DZIP1: variants seen among roughly 807,000 people sequenced by gnomAD.
DZIP1 encodes the protein DAZ interacting zinc finger protein 1.
Under a neutral mutation model 107.6 loss-of-function variants are expected in DZIP1, and 97 were observed. That is an observed-to-expected ratio of 0.90 (90% CI 0.77 to 1.07). The LOEUF (loss-of-function observed/expected upper bound fraction) is 1.07. Among genes scored for constraint, DZIP1 ranks in the 50% least tolerant of loss-of-function variants. The pLI, the probability that DZIP1 is intolerant of heterozygous loss-of-function variation, is 0.00. For missense variants in DZIP1, 1,035 were observed against 1,063.6 expected (o/e 0.97, Z 0.37); for synonymous variants, 390 against 386.4 (o/e 1.01, Z -0.11).
At chr13:95,622,316 C>A (rs756689604) in intron 9 of DZIP1, 27 bp downstream of exon 9, 2 of 1,613,972 alleles carry the variant, frequency 1.2e-6, no homozygotes, top group Middle Eastern at 1.7e-4. Flanking sequence ...AAGGCATCCA[C>A]TGCAGCTGTC....
At chr13:95,638,382 G>A (rs183491935) in intron 5 of DZIP1, among the ~76,000 whole-genome samples, 80 of 151,978 alleles carry the variant, frequency 5.3e-4, no homozygotes, top group Admixed American at 3.8e-3. Context: ...GAGCCACTGC[G>A]CCCAGCCTAA....
chr13:95,629,735 A>C lies in DZIP1; in HGVS notation c.810+254T>G, dbSNP rs922768795. On this transcript the variant is annotated intron_variant, in intron 7 of 22. Transcript: ENST00000376829. Reference sequence around the variant, plus strand: ...GAAGTGTCAGACTTCTGTTCTAAGCAAAATTTTAGAAAGTTAATTGTGTGT... The same window carrying C: ...GAAGTGTCAGACTTCTGTTCTAAGCCAAATTTTAGAAAGTTAATTGTGTGT... Among the ~76,000 whole-genome samples, 57 of 152,210 alleles carry C rather than the reference A, an allele frequency of 3.7e-4. 2 individuals are homozygous for C. The highest frequency in any genetic ancestry group is 1.5e-5 in the Non-Finnish European group (1 of 68,018).
intron 15 of DZIP1, 79 bp downstream of exon 15, chr13:95,599,286 C>G: frequency 7.8e-7 from 1 of 1,279,742 alleles, no homozygotes; most frequent in South Asian, 1.3e-5. Flanking sequence ...ATAAAAACCA[C>G]TGGCTCATAT....
chr13:95,618,212 C>T (rs1875385731), intron 10 of DZIP1, among the ~76,000 whole-genome samples: 1 of 152,204 alleles, frequency 6.6e-6, no homozygotes, highest in Admixed American at 6.5e-5. Flanking sequence ...AGCCTCACTC[C>T]TACTCCCTTC....
In DZIP1 at chr13:95,584,808, T is replaced by C. The variant is rs1566356447; in HGVS notation, c.2452A>G (p.Lys818Glu). ...GKEQKEPPPA[K>E]NEPHFAHVLN... ...ACATGAGCAAAATGTGGTTCATTTT[T>C]CGCAGGTGGAGGTTCCTTCTGTTCT... The change falls in exon 22 of 23, where the codon AAA (lysine) becomes GAA (glutamate). Residue 818 changes from lysine (K) to glutamate (E), a missense_variant. Transcript: ENST00000376829. 1 of 1,614,182 alleles carries C rather than the reference T, an allele frequency of 6.2e-7. No homozygotes were observed. Among genetic ancestry groups the C allele is most frequent in the Non-Finnish European group, 8.5e-7 (1 of 1,180,024 alleles).
chr13:95,609,860 A>T (rs72636507), intron 12 of DZIP1, among the ~76,000 whole-genome samples: 4,004 of 152,218 alleles, frequency 0.026, 87 homozygotes, highest in Non-Finnish European at 0.041. Context: ...ACACCCCAGT[A>T]CCACCCCTAG....
At chr13:95,600,641 C>CAGAT (rs1428049476) in intron 14 of DZIP1, among the ~76,000 whole-genome samples, 1 of 150,664 alleles carries the variant, frequency 6.6e-6, no homozygotes, top group African/African-American at 2.4e-5. Context: ...GACAGACAGA[C>CAGAT]AGACAGACAG....
At chr13:95,594,128 C>CA (rs2044381853) in intron 15 of DZIP1, 42 bp from the exon 16 acceptor site, 1 of 1,485,538 alleles carries the variant, frequency 6.7e-7, no homozygotes, top group African/African-American at 1.4e-5. Flanking sequence ...AAGAATTAAG[C>CA]AAATACATCA....
chr13:95,605,649 C>CAT (rs748621663), intron 14 of DZIP1, among the ~76,000 whole-genome samples: 4 of 152,226 alleles, frequency 2.6e-5, no homozygotes, highest in Admixed American at 6.5e-5. Context: ...CGCCCTGTGG[C>CAT]ATGTGCTGGT....
At chr13:95,611,041 G>A (rs2044987299) in intron 12 of DZIP1, among the ~76,000 whole-genome samples, 1 of 152,196 alleles carries the variant, frequency 6.6e-6, no homozygotes, top group East Asian at 1.9e-4. Context: ...CTGCTATAAA[G>A]CTGAGGAAAC....
intron 15 of DZIP1, among the ~76,000 whole-genome samples, chr13:95,594,790 TA>T (rs1450031288): frequency 6.6e-6 from 1 of 152,080 alleles, no homozygotes; most frequent in African/African-American, 2.4e-5. Flanking sequence ...GTATTTTGTT[TA>T]AAACAACCTA....
chr13:95,604,580 A>T (rs1184376361), intron 14 of DZIP1, among the ~76,000 whole-genome samples: 1 of 152,198 alleles, frequency 6.6e-6, no homozygotes, highest in Non-Finnish European at 1.5e-5. Context: ...GTCCCCATGA[A>T]CACATGCTTT....
chr13:95,642,023 C>T lies in DZIP1; in HGVS notation c.7G>A (p.Ala3Thr). The change falls in exon 4 of 23, where the codon GCT (alanine) becomes ACT (threonine). Residue 3 changes from alanine to threonine, a missense_variant. Transcript: ENST00000376829. Reference protein sequence around the residue: MQAEAADWFSSMP... With the variant: MQTEAADWFSSMP... ...CTTGAAAACCAATCCGCTGCCTCAG[C>T]TTGCATAGGAGGAGCCGGGCGGTCT... is the stretch of plus-strand genomic sequence containing the variant. The T allele has an allele frequency of 1.3e-6, 2 of 1,575,940 alleles. No homozygotes were observed. Among genetic ancestry groups the T allele is most frequent in the Non-Finnish European group, 1.7e-6 (2 of 1,166,360 alleles).
intron 3 of DZIP1, among the ~76,000 whole-genome samples, chr13:95,642,689 A>G (rs1878678932): frequency 6.6e-6 from 1 of 152,234 alleles, no homozygotes; most frequent in African/African-American, 2.4e-5. Flanking sequence ...ACCCAGCAAT[A>G]TACACTTGGC....
At chr13:95,607,783 C>T (rs545229297) in intron 13 of DZIP1, among the ~76,000 whole-genome samples, 5 of 152,308 alleles carry the variant, frequency 3.3e-5, no homozygotes, top group East Asian at 1.9e-4. Flanking sequence ...GGTCTTTTCT[C>T]TAAACTACAG....
intron 6 of DZIP1, chr13:95,630,782 C>A: frequency 7.8e-7 from 1 of 1,281,602 alleles, no homozygotes; most frequent in South Asian, 1.2e-5. Context: ...GGTATGGAAA[C>A]CAAAGTAGAA....
At position 95,642,085 on chromosome 13, in the gene DZIP1, C is replaced by A. The variant is rs879311119; in HGVS notation, c.-56G>T. The A allele has an allele frequency of 6.8e-6, 10 of 1,480,698 alleles. No homozygotes were observed. Among genetic ancestry groups the A allele is most frequent in the Non-Finnish European group, 8.9e-6 (10 of 1,125,200 alleles). The allele number at this position is 1,480,698 out of a possible 1,614,324, so 91.7% of individuals were successfully genotyped here. A position where few individuals can be genotyped will look rare whatever the true frequency, so the allele number is the denominator to read the frequency against. ...GGGCCGCCTCCCGGGCCGCCGCCGC[C>A]ACAGCCCTCAGGAGCGGGAGAAGGC... is the stretch of plus-strand genomic sequence containing the variant. On this transcript the variant is annotated 5_prime_UTR_variant, in exon 4 of 23. Coordinates refer to ENST00000376829, the MANE Select transcript of DZIP1 (RefSeq NM_198968.4).
chr13:95,605,490 C>T (rs1314414690), intron 14 of DZIP1, among the ~76,000 whole-genome samples: 1 of 152,152 alleles, frequency 6.6e-6, no homozygotes, highest in African/African-American at 2.4e-5. Flanking sequence ...AGAACTGAAC[C>T]CTGGTAATGA....
At chr13:95,607,403 T>C (rs2044816957) in intron 13 of DZIP1, among the ~76,000 whole-genome samples, 1 of 149,564 alleles carries the variant, frequency 6.7e-6, no homozygotes, top group East Asian at 1.9e-4. Flanking sequence ...CTAGTGAAAG[T>C]GTTCAATTCC....
Sources: gnomAD v4.1 joint callset for allele counts (sites outside exome capture counted in the v4.1 genomes callset) on GRCh38, gnomAD v4.1.1 for gene constraint, MANE v1.5 for transcripts, NCBI Gene and HGNC (gene_info 2026-07-23, HGNC 2026-07-21) for gene names.